MYO1G: variants seen among roughly 807,000 people sequenced by gnomAD.
MYO1G encodes unconventional myosin-Ig.
MYO1G carries 65 observed loss-of-function variants against 115.3 expected under a neutral mutation model. That is an observed-to-expected ratio of 0.56 (90% CI 0.46 to 0.69). The LOEUF is 0.69. Ranked by LOEUF, MYO1G falls within the 30% of genes least tolerant of loss-of-function variation. The pLI is 0.00. For missense variants in MYO1G, 1,204 were observed against 1,393.5 expected, an observed-to-expected ratio of 0.86 and a Z score of 2.16; for synonymous variants, 510 against 552.6, an observed-to-expected ratio of 0.92 and a Z score of 1.08.
intron 1 of MYO1G, among the ~76,000 whole-genome samples, chr7:44,977,610 C>CA (rs924154604): frequency 6.6e-6 from 1 of 152,208 alleles, no homozygotes; most frequent in African/African-American, 2.4e-5. Flanking sequence ...CCCGACCCCC[C>CA]AGCCTGTGGC....
rs1483497318 is a variant in MYO1G at position 44,975,466 on chromosome 7, C to T, written c.564+18G>A. The T allele has an allele frequency of 1.3e-6, 2 of 1,599,188 alleles. No homozygotes were observed. Among genetic ancestry groups the T allele is most frequent in the East Asian group, 4.5e-5 (2 of 44,686 alleles). On this transcript the variant is annotated intron_variant, in intron 4 of 21. Transcript: ENST00000258787. Reference sequence around the variant, plus strand: ...GGCCAGGGCTCCCCATGGAGGTCTCCTCAGCCCACCTGCCCACCTTCTCCA... The same window carrying T: ...GGCCAGGGCTCCCCATGGAGGTCTCTTCAGCCCACCTGCCCACCTTCTCCA...
rs752108220 is a variant in MYO1G, at chr7:44,964,444, C to G, written c.2602G>C (p.Ala868Pro). The change falls in exon 19 of 22, where the codon GCT becomes CCT. Residue 868 changes from alanine to proline, a missense_variant. Physicochemically the swap from Ala to Pro is conservative, Grantham distance 27 (BLOSUM62 -1). Transcript: ENST00000258787. The surrounding 1 kb of genome is among the most constrained non-coding windows in gnomAD (Gnocchi z 5.1). ...CGGACATGGCTTGAAAAGAGCACAGCCCCGAAGCCATCTTTGTCCTGAAGT... is the reference window on the plus strand; with the variant it reads ...CGGACATGGCTTGAAAAGAGCACAGGCCCGAAGCCATCTTTGTCCTGAAGT... Reference protein sequence around the residue: ...KTLQDKDGFGAVLFSSHVRKV... With the variant: ...KTLQDKDGFGPVLFSSHVRKV... 1.2e-6 allele frequency: 2 copies of G among 1,613,790 alleles called. No homozygotes were observed. The highest frequency in any genetic ancestry group is 1.7e-5 in the Admixed American group (1 of 60,004).
intron 7 of MYO1G, 87 bp downstream of exon 7, chr7:44,971,586 G>C (rs1307601121): frequency 3.1e-6 from 3 of 962,660 alleles, no homozygotes; most frequent in South Asian, 1.6e-5. Context: ...GGCATCTCCA[G>C]CCAGTCTCCT....
intron 1 of MYO1G, among the ~76,000 whole-genome samples, chr7:44,977,416 G>A (rs756589905): frequency 3.7e-4 from 57 of 152,322 alleles, no homozygotes; most frequent in Non-Finnish European, 7.4e-4. Flanking sequence ...GCTGGCTCCT[G>A]GGGTGAACCC....
Position 44,970,925 on chromosome 7 carries a change from C to T in MYO1G, c.981G>A (p.Leu327=). Reference sequence around the variant, plus strand: ...TGCCTCCCGAGGCAACTGTGCGAGCCAGCAGGGAGCGGAGCACGAGGTCCC... The same window carrying T: ...TGCCTCCCGAGGCAACTGTGCGAGCTAGCAGGGAGCGGAGCACGAGGTCCC... ...TPRDLVLRSL[L]ARTVASGGRE... The change falls in exon 8 of 22, where the codon CTG becomes CTA. Residue 327 remains leucine, a synonymous_variant. Transcript: ENST00000258787. The T allele has an allele frequency of 6.2e-7, 1 of 1,613,604 alleles. No homozygotes were observed. The highest frequency in any genetic ancestry group is 2.2e-5 in the East Asian group (1 of 44,886).
intron 7 of MYO1G, 34 bp from the exon 8 acceptor site, chr7:44,971,093 C>A: frequency 1.3e-6 from 2 of 1,572,572 alleles, no homozygotes; most frequent in Non-Finnish European, 1.7e-6. Flanking sequence ...AGTCCGGGCT[C>A]CATGTCTCAA....
intron 1 of MYO1G, among the ~76,000 whole-genome samples, 196 bp downstream of exon 1, chr7:44,978,671 G>C (rs530396370): frequency 6.6e-6 from 1 of 152,348 alleles, no homozygotes; most frequent in African/African-American, 2.4e-5. Context: ...AGGGACAGTT[G>C]CCTCCTTGTC....
Position 44,970,170 on chromosome 7 carries a change from G to A in MYO1G, c.1218-16C>T. The A allele has an allele frequency of 6.4e-7, 1 of 1,572,014 alleles. No individual in the cohort carries two copies. Among genetic ancestry groups the A allele is most frequent in the Non-Finnish European group, 8.7e-7 (1 of 1,142,904 alleles). ...CTGCTCGAAACTGGGGGTGGGGTGGGCCTTTCAGAGGGGAGGTCGCTGCTT... is the reference window on the plus strand; with the variant it reads ...CTGCTCGAAACTGGGGGTGGGGTGGACCTTTCAGAGGGGAGGTCGCTGCTT... On this transcript the variant is annotated splice_polypyrimidine_tract_variant and intron_variant, in intron 9 of 21. Coordinates refer to ENST00000258787, the MANE Select transcript of MYO1G (RefSeq NM_033054.3).
In MYO1G at chr7:44,963,268, C is replaced by A; in HGVS notation, c.2746-144G>T. 1 of 934,184 alleles carries A rather than the reference C, an allele frequency of 1.1e-6. No homozygotes were observed. Among genetic ancestry groups the A allele is most frequent in the Non-Finnish European group, 1.5e-6 (1 of 666,920 alleles). 57.9% of individuals were successfully genotyped at this position (934,184 alleles called of 1,614,324 possible). A position where few individuals can be genotyped will look rare whatever the true frequency, so the allele number is the denominator to read the frequency against. ...CTCGCCAGGGCCACCAGCCCCCCACCGCCCCCTCCTCCCTCTCGGGGCCCT... is the reference window on the plus strand; with the variant it reads ...CTCGCCAGGGCCACCAGCCCCCCACAGCCCCCTCCTCCCTCTCGGGGCCCT... On this transcript the variant is annotated intron_variant, in intron 20 of 21. Transcript: ENST00000258787. This position sits in a 1 kb window ranked among gnomAD's most constrained non-coding sequence, Gnocchi z 4.1.
Position 44,967,885 on chromosome 7 carries a change from T to G in MYO1G, c.1648A>C (p.Ser550Arg). ...TGGTGCCCAGCAAGCCGTGCTCACC[T>G]GTTGTACAGCAGCCGCTTGAAGTCC... Reference protein sequence around the residue: ...FQDFKRLLYNSTDPTLRAMWP... With the variant: ...FQDFKRLLYNRTDPTLRAMWP... Residue 550 changes from serine (S) to arginine (R), a missense_variant and splice_region_variant, in exon 13 of 22, where the codon AGC becomes CGC. Coordinates refer to ENST00000258787, the MANE Select transcript of MYO1G (RefSeq NM_033054.3). The G allele has an allele frequency of 3.7e-6, 6 of 1,613,960 alleles. No individual in the cohort carries two copies. The highest frequency in any genetic ancestry group is 5.1e-6 in the Non-Finnish European group (6 of 1,180,012).
At chr7:44,976,009 G>A (rs1795043642) in intron 3 of MYO1G, among the ~76,000 whole-genome samples, 1 of 152,242 alleles carries the variant, frequency 6.6e-6, no homozygotes, top group South Asian at 2.1e-4. Flanking sequence ...TGCAGGGGTG[G>A]GCAGTGGTGC....
chr7:44,972,022 C>T, intron 6 of MYO1G, 93 bp downstream of exon 6: 1 of 1,047,110 alleles, frequency 9.6e-7, no homozygotes, highest in Non-Finnish European at 1.5e-6. Flanking sequence ...TTCACTTCAC[C>T]CTGGCCTGTG....
chr7:44,970,003 C>T, intron 10 of MYO1G, 37 bp downstream of exon 10: 1 of 1,606,018 alleles, frequency 6.2e-7, no homozygotes, highest in Non-Finnish European at 8.5e-7. Context: ...CCCTCCACAC[C>T]CCACTGCCTG....
In MYO1G at chr7:44,963,278, T is replaced by G; in HGVS notation, c.2746-154A>C. On this transcript the variant is annotated intron_variant, in intron 20 of 21. Transcript: ENST00000258787. This position sits in a 1 kb window ranked among gnomAD's most constrained non-coding sequence, Gnocchi z 4.1. ...CCACCAGCCCCCCACCGCCCCCTCC[T>G]CCCTCTCGGGGCCCTGCTGACAGGG... The G allele has an allele frequency of 2.4e-6, 2 of 817,886 alleles. No homozygotes were observed. Among genetic ancestry groups the G allele is most frequent in the Non-Finnish European group, 3.5e-6 (2 of 563,444 alleles). 50.7% of individuals were successfully genotyped at this position (817,886 alleles called of 1,614,324 possible).
At position 44,966,707 on chromosome 7, in the gene MYO1G, G is replaced by A. The variant is rs144708261; in HGVS notation, c.1914C>T (p.Phe638=). 1.5e-5 allele frequency: 24 copies of A among 1,613,194 alleles called. No homozygotes were observed. The highest frequency in any genetic ancestry group is 2.2e-5 in the South Asian group (2 of 91,084). Residue 638 remains phenylalanine, a synonymous_variant, in exon 15 of 22, where the codon TTC becomes TTT. Coordinates refer to ENST00000258787, the MANE Select transcript of MYO1G (RefSeq NM_033054.3). This position sits in a 1 kb window ranked among gnomAD's most constrained non-coding sequence, Gnocchi z 5.0. The part of the protein sequence containing the change: ...LENVRVRRAG[F]ASRQPYSRFL... ...ATCGAGAGTAGGGCTGGCGGGAAGCGAAGCCAGCCCTGCGGACCCTCACAT... is the reference window on the plus strand; with the variant it reads ...ATCGAGAGTAGGGCTGGCGGGAAGCAAAGCCAGCCCTGCGGACCCTCACAT...
intron 5 of MYO1G, 172 bp downstream of exon 5, chr7:44,975,002 G>A: frequency 1.4e-6 from 1 of 715,270 alleles, no homozygotes; most frequent in East Asian, 2.5e-5. Flanking sequence ...TGTGGGGTGT[G>A]GGGTACTGGT....
chr7:44,972,428 A>G (rs1794976838), intron 5 of MYO1G: 1 of 554,070 alleles, frequency 1.8e-6, no homozygotes, highest in African/African-American at 1.9e-5. Context: ...GCTCCACTTC[A>G]GTGGGAGCTA....
intron 17 of MYO1G, among the ~76,000 whole-genome samples, chr7:44,965,395 T>C (rs1223061904): frequency 1.3e-5 from 2 of 152,206 alleles, no homozygotes; most frequent in Admixed American, 1.3e-4. Flanking sequence ...CCAGCCCTAA[T>C]GGGCCTCCCC....
Position 44,963,229 on chromosome 7 carries a change from C to T in MYO1G, c.2746-105G>A, listed in dbSNP as rs1014119656. 3.0e-6 allele frequency: 4 copies of T among 1,325,306 alleles called. No homozygotes were observed. Among genetic ancestry groups the T allele is most frequent in the Non-Finnish European group, 2.9e-6 (3 of 1,024,914 alleles). 82.1% of individuals were successfully genotyped at this position (1,325,306 alleles called of 1,614,324 possible). A position where few individuals can be genotyped will look rare whatever the true frequency, so the allele number is the denominator to read the frequency against. On this transcript the variant is annotated intron_variant, in intron 20 of 21. Transcript: ENST00000258787. The surrounding 1 kb of genome is among the most constrained non-coding windows in gnomAD (Gnocchi z 4.1). Reference sequence around the variant, plus strand: ...CCTCTGCCGAACCCCCAACCGCACCCGGGGAGCGCCGCCCTCGCCAGGGCC... The same window carrying T: ...CCTCTGCCGAACCCCCAACCGCACCTGGGGAGCGCCGCCCTCGCCAGGGCC...
Sources: gnomAD v4.1 joint callset for allele counts (sites outside exome capture counted in the v4.1 genomes callset) on GRCh38, gnomAD v4.1.1 for gene constraint, Gnocchi (gnomAD v3.1) non-coding constraint, MANE v1.5 for transcripts, NCBI Gene and HGNC (gene_info 2026-07-23, HGNC 2026-07-21) for gene names.